Variants in ZNF475 observed in about 807,000 individuals in gnomAD.
ZNF475 encodes the protein zinc finger protein 475.
the ZNF475 span, among the ~76,000 whole-genome samples, chr5:122,161,521 TC>T: frequency 6.6e-6 from 1 of 152,226 alleles, no homozygotes; most frequent in Non-Finnish European, 1.5e-5. Flanking sequence ...GTGGTGGTCT[TC>T]TTTTTATAGG....
chr5:122,167,753 C>G, the ZNF475 span, among the ~76,000 whole-genome samples: 1 of 152,174 alleles, frequency 6.6e-6, no homozygotes, highest in Non-Finnish European at 1.5e-5. Flanking sequence ...CCACCATAAC[C>G]AAGACATAGA....
chr5:122,180,965 T>C, the ZNF475 span, among the ~76,000 whole-genome samples: 6 of 152,300 alleles, frequency 3.9e-5, no homozygotes, highest in African/African-American at 1.4e-4. Context: ...TTCCAGCATT[T>C]CTCATTTGGT....
At chr5:122,172,470 T>C in the ZNF475 span, among the ~76,000 whole-genome samples, 2 of 152,196 alleles carry the variant, frequency 1.3e-5, no homozygotes, top group African/African-American at 4.8e-5. Context: ...GCTCACTTCC[T>C]GGGGCTAATA....
At chr5:122,175,015 T>C in the ZNF475 span, among the ~76,000 whole-genome samples, 6 of 152,300 alleles carry the variant, frequency 3.9e-5, no homozygotes, top group African/African-American at 1.2e-4. Flanking sequence ...GAACCTACCA[T>C]ATGGCTAAGA....
chr5:122,163,462 TCTTA>T, the ZNF475 span: 2 of 152,210 alleles, frequency 1.3e-5, no homozygotes, highest in Non-Finnish European at 2.9e-5. Flanking sequence ...GAACGCTCAC[TCTTA>T]CTTCCTCCAT....
At chr5:122,166,415 A>G in the ZNF475 span, among the ~76,000 whole-genome samples, 1,440 of 152,062 alleles carry the variant, frequency 9.5e-3, 24 homozygotes, top group African/African-American at 0.033. Flanking sequence ...TTACATATGT[A>G]TATATGTGCC....
At chr5:122,174,798 T>A in the ZNF475 span, among the ~76,000 whole-genome samples, 1 of 152,242 alleles carries the variant, frequency 6.6e-6, no homozygotes, top group Non-Finnish European at 1.5e-5. Context: ...TGGAATTTTA[T>A]TAAATTCACT....
the ZNF475 span, chr5:122,179,739 C>G: frequency 1.3e-6 from 2 of 1,485,470 alleles, no homozygotes; most frequent in Non-Finnish European, 1.8e-6. Context: ...TGGTAAGTTC[C>G]TAGAAAAAAG....
the ZNF475 span, among the ~76,000 whole-genome samples, chr5:122,166,586 T>G: frequency 6.6e-6 from 1 of 151,982 alleles, no homozygotes; most frequent in African/African-American, 2.4e-5. Flanking sequence ...AGTGAGAACA[T>G]GCGGTGTTTG....
the ZNF475 span, among the ~76,000 whole-genome samples, chr5:122,166,420 T>C: frequency 1.3e-5 from 2 of 152,204 alleles, no homozygotes; most frequent in African/African-American, 2.4e-5. Flanking sequence ...TATGTATATA[T>C]GTGCCATGTT....
the ZNF475 span, chr5:122,162,359 C>A: frequency 3.3e-5 from 5 of 152,188 alleles, no homozygotes; most frequent in African/African-American, 1.2e-4. Flanking sequence ...AAACAACGAT[C>A]CTTCCAGATA....
the ZNF475 span, chr5:122,182,432 T>G: frequency 4.5e-6 from 6 of 1,322,168 alleles, no homozygotes; most frequent in Non-Finnish European, 6.0e-6. Context: ...TTCTTTCCCT[T>G]TTGTTTTTGG....
At chr5:122,166,934 C>G in the ZNF475 span, among the ~76,000 whole-genome samples, 1 of 152,136 alleles carries the variant, frequency 6.6e-6, no homozygotes, top group Non-Finnish European at 1.5e-5. Flanking sequence ...TAATTAGATC[C>G]CATTTGTCAA....
At chr5:122,182,633 C>T in the ZNF475 span, 24 of 1,534,604 alleles carry the variant, frequency 1.6e-5, no homozygotes, top group East Asian at 2.4e-5. Context: ...AACCCAAAGC[C>T]GCCAAGTAAA....
chr5:122,181,334 G>C, the ZNF475 span, among the ~76,000 whole-genome samples: 2 of 152,208 alleles, frequency 1.3e-5, no homozygotes, highest in Non-Finnish European at 2.9e-5. Context: ...CTTCAAGTGA[G>C]AGTCAGTGAC....
chr5:122,177,862 A>G, the ZNF475 span, among the ~76,000 whole-genome samples: 3 of 152,032 alleles, frequency 2.0e-5, no homozygotes, highest in Non-Finnish European at 4.4e-5. Context: ...CGTTATCTAC[A>G]TTAGGTATTT....
At chr5:122,175,199 G>A in the ZNF475 span, among the ~76,000 whole-genome samples, 3 of 152,142 alleles carry the variant, frequency 2.0e-5, no homozygotes, top group Non-Finnish European at 2.9e-5. Flanking sequence ...TATGTTAACT[G>A]TGGATTTATT....
the ZNF475 span, among the ~76,000 whole-genome samples, chr5:122,171,128 T>TTA: frequency 6.6e-6 from 1 of 151,968 alleles, no homozygotes; most frequent in Non-Finnish European, 1.5e-5. Flanking sequence ...TTAAACTATA[T>TTA]TATATATATA....
the ZNF475 span, among the ~76,000 whole-genome samples, chr5:122,172,176 T>A: frequency 3.3e-5 from 5 of 152,348 alleles, no homozygotes; most frequent in South Asian, 1.0e-3. Context: ...ACTAATGTTT[T>A]TCAAAGAGGA....
Sources: gnomAD v4.1 joint callset for allele counts (sites outside exome capture counted in the v4.1 genomes callset) on GRCh38, gnomAD v4.1.1 for gene constraint, MANE v1.5 for transcripts, NCBI Gene and HGNC (gene_info 2026-07-23, HGNC 2026-07-21) for gene names.